The following VEPH1 variants were observed in gnomAD, a reference collection of about 807,000 sequenced individuals.
VEPH1 encodes ventricular zone expressed PH domain containing 1, also known as ventricular zone-expressed PH domain-containing protein homolog 1.
A neutral mutation model predicts 85.2 loss-of-function variants in VEPH1; 80 were observed. That is an observed-to-expected ratio of 0.94 (90% CI 0.78 to 1.13). VEPH1 has a LOEUF of 1.13. Among genes scored for constraint, VEPH1 ranks in the 50% most tolerant of loss-of-function variants. The probability of loss-of-function intolerance (pLI) is 0.00; values close to 1 mark genes in which losing one functional copy is unlikely to be tolerated. For synonymous variants in VEPH1, 297 were observed against 348.0 expected (o/e 0.85, Z 1.63); for missense variants, 955 against 980.5 (o/e 0.97, Z 0.35).
chr3:157,491,867 G>A (rs1387864744), intron 2 of VEPH1, among the ~76,000 whole-genome samples: 2 of 152,178 alleles, frequency 1.3e-5, no homozygotes, highest in Admixed American at 1.3e-4. Flanking sequence ...GTGGACAACT[G>A]ATTTTTTAAA....
intron 9 of VEPH1, among the ~76,000 whole-genome samples, chr3:157,337,794 A>G (rs1453474157): frequency 6.6e-6 from 1 of 152,220 alleles, no homozygotes; most frequent in East Asian, 1.9e-4. Flanking sequence ...GAGGGATAAA[A>G]TGATCAACTA....
chr3:157,423,223 A>G (rs1157448000), intron 5 of VEPH1, among the ~76,000 whole-genome samples: 1 of 152,232 alleles, frequency 6.6e-6, no homozygotes, highest in Non-Finnish European at 1.5e-5. Context: ...TTTATAGTGC[A>G]CTGAAAGAAA....
At chr3:157,496,623 G>A (rs1739685666) in intron 1 of VEPH1, among the ~76,000 whole-genome samples, 2 of 152,048 alleles carry the variant, frequency 1.3e-5, no homozygotes, top group Admixed American at 6.6e-5. Flanking sequence ...TTGCCAGAAA[G>A]AGTGTGAAAA....
chr3:157,341,582 C>A (rs1351531532), intron 9 of VEPH1, among the ~76,000 whole-genome samples: 1 of 152,146 alleles, frequency 6.6e-6, no homozygotes, highest in Admixed American at 6.6e-5. Context: ...GAGAATGGAA[C>A]CAAGTTGGAA....
intron 5 of VEPH1, among the ~76,000 whole-genome samples, chr3:157,424,077 C>G (rs1308187028): frequency 1.3e-5 from 2 of 152,130 alleles, no homozygotes; most frequent in African/African-American, 2.4e-5. Context: ...TCCCATAATT[C>G]CCACATGTTG....
At chr3:157,496,341 T>A (rs1005123833) in intron 1 of VEPH1, among the ~76,000 whole-genome samples, 1 of 152,208 alleles carries the variant, frequency 6.6e-6, no homozygotes, top group Admixed American at 6.5e-5. Flanking sequence ...CTGGGCCTAA[T>A]AAAATCACAG....
chr3:157,268,014 C>T (rs1043412245), intron 12 of VEPH1, among the ~76,000 whole-genome samples: 1 of 152,030 alleles, frequency 6.6e-6, no homozygotes, highest in Non-Finnish European at 1.5e-5. Context: ...ATAGCAGAGG[C>T]AAAAGAAAGC....
chr3:157,403,785 G>C (rs141385534), intron 6 of VEPH1, among the ~76,000 whole-genome samples: 337 of 152,250 alleles, frequency 2.2e-3, no homozygotes, highest in African/African-American at 7.8e-3. Flanking sequence ...GGGTATAGCT[G>C]TGTGTGTGTC....
At chr3:157,454,720 G>A (rs1045204212) in intron 4 of VEPH1, among the ~76,000 whole-genome samples, 18 of 152,128 alleles carry the variant, frequency 1.2e-4, no homozygotes, top group African/African-American at 4.3e-4. Context: ...AGTGAGCACA[G>A]TACCCAATAA....
rs1028825162 is a variant in VEPH1 at position 157,274,370 on chromosome 3, A to T, written c.2129-8708T>A. Among the ~76,000 whole-genome samples the T allele has an allele frequency of 4.6e-5, 7 of 152,164 alleles. No homozygotes were observed. In the South Asian group the frequency reaches 1.4e-3, roughly 31 times the overall value. ...AATGGCCTATATCAAAGTGTGAGGA[A>T]TAGTAAGAGAATTCAGAGTAAGAGA... On this transcript the variant is annotated intron_variant, in intron 12 of 13. Coordinates refer to ENST00000362010, the MANE Select transcript of VEPH1 (RefSeq NM_001167912.2).
chr3:157,389,683 AT>A (rs1729671908), intron 6 of VEPH1, among the ~76,000 whole-genome samples: 1 of 147,044 alleles, frequency 6.8e-6, no homozygotes, highest in African/African-American at 2.6e-5. Context: ...AGATAGATAG[AT>A]AGATAGATAG....
intron 9 of VEPH1, among the ~76,000 whole-genome samples, chr3:157,343,320 A>C (rs914528274): frequency 2.0e-5 from 3 of 152,144 alleles, no homozygotes; most frequent in African/African-American, 7.2e-5. Context: ...ATCAAATAGA[A>C]GCAATAAAAA....
intron 5 of VEPH1, among the ~76,000 whole-genome samples, chr3:157,418,825 G>T (rs1306769263): frequency 6.6e-6 from 1 of 152,070 alleles, no homozygotes; most frequent in Non-Finnish European, 1.5e-5. Context: ...AATTAGAAAA[G>T]ACTATTTTAA....
intron 6 of VEPH1, among the ~76,000 whole-genome samples, chr3:157,384,478 A>G (rs932462982): frequency 6.6e-6 from 1 of 152,234 alleles, no homozygotes; most frequent in African/African-American, 2.4e-5. Context: ...TGCTTATGCA[A>G]TAAGTGTCCC....
At chr3:157,437,854 C>T in intron 4 of VEPH1, 1 of 1,497,816 alleles carries the variant, frequency 6.7e-7, no homozygotes, top group Non-Finnish European at 8.8e-7. Context: ...GGAGCTGCGG[C>T]AGACGCGAGC....
At chr3:157,502,317 A>G (rs922885530) in intron 1 of VEPH1, among the ~76,000 whole-genome samples, 1 of 152,224 alleles carries the variant, frequency 6.6e-6, no homozygotes, top group African/African-American at 2.4e-5. Flanking sequence ...TCAACTTATT[A>G]AAACACAAAT....
At chr3:157,318,533 G>A (rs1720998973) in intron 9 of VEPH1, among the ~76,000 whole-genome samples, 1 of 152,086 alleles carries the variant, frequency 6.6e-6, no homozygotes, top group Admixed American at 6.5e-5. Context: ...CTTGAGCCCA[G>A]GAGGTGGAGT....
rs1053554703 is a variant in VEPH1 at position 157,432,428 on chromosome 3, A to G, written c.530-3940T>C. 2.0e-5 allele frequency among the ~76,000 whole-genome samples: 3 copies of G among 152,028 alleles called. No individual in the cohort carries two copies. In the South Asian group the frequency reaches 6.2e-4, roughly 32 times the overall value. On this transcript the variant is annotated intron_variant, in intron 4 of 13. Coordinates refer to ENST00000362010, the MANE Select transcript of VEPH1 (RefSeq NM_001167912.2). ...TTCTCCTATATTTTCTCTTAAAGGC[A>G]TTATGGTTTTGCTTTCTTGTAGTTG...
intron 5 of VEPH1, 60 bp from the exon 6 acceptor site, chr3:157,414,150 A>C (rs1203065843): frequency 1.5e-6 from 2 of 1,345,356 alleles, no homozygotes; most frequent in East Asian, 4.9e-5. Flanking sequence ...AAGTTAATTA[A>C]ATTGGAATTA....
Sources: gnomAD v4.1 joint callset for allele counts (sites outside exome capture counted in the v4.1 genomes callset) on GRCh38, gnomAD v4.1.1 for gene constraint, MANE v1.5 for transcripts, NCBI Gene and HGNC (gene_info 2026-07-23, HGNC 2026-07-21) for gene names.